The following RARB variants were observed in gnomAD, a reference collection of about 807,000 sequenced individuals.
RARB encodes the protein HBV-activated protein.
Under a neutral mutation model 51.9 loss-of-function variants are expected in RARB, and 17 were observed. That is an observed-to-expected ratio of 0.33 (90% confidence interval 0.22 to 0.49). The LOEUF (loss-of-function observed/expected upper bound fraction) is 0.49, where lower values mean the gene tolerates loss of function less well. Ranked by LOEUF, RARB falls within the 20% of genes least tolerant of loss-of-function variation. The pLI, the probability that RARB is intolerant of heterozygous loss-of-function variation, is 0.99. For missense variants in RARB, 369 were observed against 550.8 expected, an observed-to-expected ratio of 0.67 and a Z score of 3.30; for synonymous variants, 215 against 195.4, an observed-to-expected ratio of 1.10 and a Z score of -0.84.
intron 2 of RARB, among the ~76,000 whole-genome samples, chr3:25,025,952 A>G (rs1482820984): frequency 6.6e-6 from 1 of 152,176 alleles, no homozygotes; most frequent in African/African-American, 2.4e-5. Context: ...TCAAATATCA[A>G]TAATTCCTCT....
chr3:25,174,475 G>A (rs58927428), exon 5 of RARB: 17,527 of 1,352,034 alleles, frequency 0.013, 460 homozygotes, highest in African/African-American at 0.097. Context: ...CACCCTACCC[G>A]TTACTCTTTC....
intron 3 of RARB, among the ~76,000 whole-genome samples, chr3:25,523,407 C>T (rs6787891): frequency 0.088 from 13,348 of 152,138 alleles, 805 homozygotes; most frequent in African/African-American, 0.18. Context: ...AGCTGTCATA[C>T]GAGGAAAACA....
chr3:25,168,246 A>G (rs1325801470), intron 4 of RARB, among the ~76,000 whole-genome samples: 4 of 151,988 alleles, frequency 2.6e-5, no homozygotes, highest in Non-Finnish European at 5.9e-5. Flanking sequence ...TTTGAGATGG[A>G]GTGTTGCTCT....
chr3:25,154,001 C>T (rs1371352909), intron 4 of RARB, among the ~76,000 whole-genome samples: 2 of 152,344 alleles, frequency 1.3e-5, no homozygotes, highest in East Asian at 3.9e-4. Flanking sequence ...AGAGAATTCA[C>T]ACTACATTAA....
chr3:25,206,827 G>A (rs549266138), intron 5 of RARB, among the ~76,000 whole-genome samples: 2 of 152,238 alleles, frequency 1.3e-5, no homozygotes, highest in South Asian at 2.1e-4. Flanking sequence ...TCTCATCCAT[G>A]TTCACCACTT....
At chr3:24,947,176 T>C (rs1695793944) in intron 2 of RARB, among the ~76,000 whole-genome samples, 1 of 152,118 alleles carries the variant, frequency 6.6e-6, no homozygotes, top group Non-Finnish European at 1.5e-5. Context: ...TTATATAGAG[T>C]ACATTCTCCC....
chr3:25,445,560 G>A (rs566556781), intron 1 of RARB, among the ~76,000 whole-genome samples: 96 of 152,180 alleles, frequency 6.3e-4, no homozygotes, highest in East Asian at 2.5e-3. Flanking sequence ...CCAGCTACTC[G>A]AGAGGCTGAA....
chr3:24,940,620 C>G (rs1695644187), intron 2 of RARB, among the ~76,000 whole-genome samples: 1 of 152,112 alleles, frequency 6.6e-6, no homozygotes, highest in South Asian at 2.1e-4. Flanking sequence ...CCTCCTTTAG[C>G]TGGACCAAAT....
chr3:25,549,737 A>G lies in RARB; in HGVS notation c.449-20021A>G, dbSNP rs144902934. On this transcript the variant is annotated intron_variant, in intron 3 of 7. Coordinates refer to ENST00000330688, the MANE Select transcript of RARB (RefSeq NM_000965.5). Reference sequence around the variant, plus strand: ...AAGCTGTGTGCTATGAGATGAGAAAAAGGAAAGTCATAGTTTGCTGCCATT... The same window carrying G: ...AAGCTGTGTGCTATGAGATGAGAAAGAGGAAAGTCATAGTTTGCTGCCATT... 4.0e-3 allele frequency among the ~76,000 whole-genome samples: 609 copies of G among 152,226 alleles called. 4 individuals carry two copies. The highest frequency in any genetic ancestry group is 0.014 in the African/African-American group (562 of 41,538).
intron 2 of RARB, among the ~76,000 whole-genome samples, chr3:24,966,797 C>G (rs936874404): frequency 6.6e-6 from 1 of 152,140 alleles, no homozygotes; most frequent in Non-Finnish European, 1.5e-5. Context: ...AGCATGAATT[C>G]TTAAAATATT....
chr3:25,363,988 A>G (rs1221600277), intron 5 of RARB, among the ~76,000 whole-genome samples: 3 of 152,056 alleles, frequency 2.0e-5, no homozygotes, highest in Non-Finnish European at 4.4e-5. Context: ...TTGCTCAAAC[A>G]TCTTCTTAGT....
At chr3:25,173,354 C>T (rs75577032) in intron 4 of RARB, among the ~76,000 whole-genome samples, 2,080 of 152,258 alleles carry the variant, frequency 0.014, 48 homozygotes, top group African/African-American at 0.048. Flanking sequence ...CTAGTTCTTA[C>T]ATTAGTGCCT....
At chr3:25,414,592 A>C (rs915401204) in intron 5 of RARB, among the ~76,000 whole-genome samples, 1 of 152,198 alleles carries the variant, frequency 6.6e-6, no homozygotes, top group Non-Finnish European at 1.5e-5. Flanking sequence ...TTTTAATTTT[A>C]GCAATTCCAA....
intron 3 of RARB, among the ~76,000 whole-genome samples, chr3:25,088,222 C>T (rs1476467439): frequency 6.6e-6 from 1 of 152,076 alleles, no homozygotes; most frequent in African/African-American, 2.4e-5. Context: ...ATTCACACTT[C>T]TCTTTGCTGT....
At chr3:25,047,862 C>T (rs946305285) in intron 2 of RARB, among the ~76,000 whole-genome samples, 1 of 152,134 alleles carries the variant, frequency 6.6e-6, no homozygotes, top group Non-Finnish European at 1.5e-5. Context: ...ACCCAAATCT[C>T]ACACCTTGAA....
chr3:25,318,538 T>TAGG (rs1704485031), intron 5 of RARB, among the ~76,000 whole-genome samples: 1 of 152,218 alleles, frequency 6.6e-6, no homozygotes, highest in Non-Finnish European at 1.5e-5. Context: ...GTTCATAATA[T>TAGG]TCTGCCCCTT....
chr3:24,952,248 T>G (rs936479748), intron 2 of RARB, among the ~76,000 whole-genome samples: 3 of 148,008 alleles, frequency 2.0e-5, no homozygotes, highest in Non-Finnish European at 4.4e-5. Flanking sequence ...TAACATTTGT[T>G]TTTTTTTAGT....
chr3:25,180,408 G>C (rs1340806016), intron 5 of RARB, among the ~76,000 whole-genome samples: 2 of 152,104 alleles, frequency 1.3e-5, no homozygotes, highest in Non-Finnish European at 2.9e-5. Flanking sequence ...GCTTTGAGTT[G>C]GCTGAGTTCA....
chr3:24,847,983 A>G (rs1702506803), intron 1 of RARB, among the ~76,000 whole-genome samples: 1 of 152,218 alleles, frequency 6.6e-6, no homozygotes, highest in Admixed American at 6.5e-5. Context: ...GGCACACTCA[A>G]TGCTTCAGGA....
Sources: allele counts gnomAD v4.1 joint callset (sites outside exome capture counted in the v4.1 genomes callset), GRCh38; gene constraint gnomAD v4.1.1; transcripts MANE v1.5; gene names NCBI Gene and HGNC (gene_info 2026-07-23, HGNC 2026-07-21).